Variants in MEIS2 observed in about 807,000 individuals in gnomAD.
MEIS2 encodes the protein Meis homeobox 2, also known as homeobox protein Meis2.
A neutral mutation model predicts 58.6 loss-of-function variants in MEIS2; 9 were observed. The ratio of observed to expected loss-of-function variants is 0.15; its 90% CI spans 0.09 to 0.27. The LOEUF (loss-of-function observed/expected upper bound fraction) is 0.27. MEIS2 is among the 10% of genes least tolerant of loss of function. The probability of loss-of-function intolerance (pLI) is 1.00; values close to 1 mark genes in which losing one functional copy is unlikely to be tolerated. For synonymous variants in MEIS2, 221 were observed against 228.4 expected (o/e 0.97, Z 0.29); for missense variants, 427 against 635.0 (o/e 0.67, Z 3.52).
intron 8 of MEIS2, among the ~76,000 whole-genome samples, chr15:36,984,629 C>T (rs1302630083): frequency 6.6e-6 from 1 of 152,156 alleles, no homozygotes; most frequent in Non-Finnish European, 1.5e-5. Context: ...GTGTTCCCTT[C>T]TCTTCCATTT....
intron 7 of MEIS2, among the ~76,000 whole-genome samples, chr15:37,081,287 C>T (rs957805761): frequency 2.6e-5 from 4 of 152,096 alleles, no homozygotes; most frequent in Non-Finnish European, 1.5e-5. Flanking sequence ...AACTTGATTT[C>T]CAATGAAACA....
At chr15:36,924,876 G>A (rs1745163283) in intron 9 of MEIS2, among the ~76,000 whole-genome samples, 1 of 152,158 alleles carries the variant, frequency 6.6e-6, no homozygotes, top group Non-Finnish European at 1.5e-5. Flanking sequence ...ATACAGTTAT[G>A]GATTGATCAT....
intron 8 of MEIS2, among the ~76,000 whole-genome samples, chr15:37,017,807 CCT>C (rs2061400020): frequency 6.6e-6 from 1 of 152,136 alleles, no homozygotes; most frequent in Non-Finnish European, 1.5e-5. Context: ...ATCTCACACC[CCT>C]CTTTTGTGTT....
chr15:37,088,559 C>G (rs902201526), intron 6 of MEIS2, among the ~76,000 whole-genome samples: 3 of 152,146 alleles, frequency 2.0e-5, no homozygotes, highest in African/African-American at 7.2e-5. Context: ...GTTGGAATTT[C>G]AACTCCGGTG....
chr15:36,973,019 T>C (rs1370776836), intron 8 of MEIS2: 1 of 152,208 alleles, frequency 6.6e-6, no homozygotes, highest in Non-Finnish European at 1.5e-5. Flanking sequence ...TACTTGTCGA[T>C]ATACACCAAC....
intron 8 of MEIS2, among the ~76,000 whole-genome samples, chr15:36,984,719 T>C (rs561342913): frequency 1.3e-4 from 20 of 152,316 alleles, no homozygotes; most frequent in African/African-American, 4.1e-4. Context: ...CCTTAGGTCC[T>C]AGACTTTTCT....
At chr15:36,995,292 T>C (rs186351363) in intron 8 of MEIS2, among the ~76,000 whole-genome samples, 97 of 152,332 alleles carry the variant, frequency 6.4e-4, no homozygotes, top group African/African-American at 2.1e-3. Flanking sequence ...TTCCCACCCA[T>C]AGACACTTAA....
At chr15:36,954,593 C>A (rs1350114585) in intron 8 of MEIS2, among the ~76,000 whole-genome samples, 1 of 151,772 alleles carries the variant, frequency 6.6e-6, no homozygotes, top group East Asian at 1.9e-4. Flanking sequence ...GTAACTCTTT[C>A]ATGGACATTT....
intron 8 of MEIS2, among the ~76,000 whole-genome samples, chr15:36,956,537 G>A (rs912167303): frequency 1.3e-5 from 2 of 152,168 alleles, no homozygotes; most frequent in African/African-American, 2.4e-5. Flanking sequence ...TGGAACCCAA[G>A]TTAGGTTAAT....
intron 7 of MEIS2, among the ~76,000 whole-genome samples, chr15:37,049,644 G>A (rs1368966053): frequency 6.6e-6 from 1 of 151,808 alleles, no homozygotes; most frequent in Non-Finnish European, 1.5e-5. Flanking sequence ...GCGCCACCAT[G>A]CCTGGCTAAT....
In MEIS2 at chr15:36,983,967, T is replaced by C. The variant is rs140868234; in HGVS notation, c.901-33567A>G. Among the ~76,000 whole-genome samples the C allele has an allele frequency of 2.5e-3, 385 of 152,220 alleles. 2 individuals carry two copies. The highest frequency in any genetic ancestry group is 8.9e-3 in the African/African-American group (369 of 41,552). ...TGTTAATATATAGAAACACAACTGA[T>C]TTTTGTATGTTGATTTTGCATTCTG... On this transcript the variant is annotated intron_variant, in intron 8 of 11. Coordinates refer to ENST00000561208, the MANE Select transcript of MEIS2 (RefSeq NM_170675.5).
intron 7 of MEIS2, among the ~76,000 whole-genome samples, chr15:37,052,924 G>A (rs1456212946): frequency 6.6e-6 from 1 of 152,140 alleles, no homozygotes; most frequent in African/African-American, 2.4e-5. Flanking sequence ...AGAAAGGTGA[G>A]GAGCTGAAAG....
At chr15:36,925,012 C>A (rs1345834369) in intron 9 of MEIS2, among the ~76,000 whole-genome samples, 2 of 152,146 alleles carry the variant, frequency 1.3e-5, no homozygotes, top group African/African-American at 4.8e-5. Context: ...GCAAGACCGC[C>A]CGGGCAGCAC....
intron 8 of MEIS2, among the ~76,000 whole-genome samples, chr15:36,994,060 A>ATG (rs1334899334): frequency 1.3e-5 from 2 of 152,048 alleles, no homozygotes; most frequent in African/African-American, 4.8e-5. Context: ...TCTATTCATG[A>ATG]TGTGTGTGTG....
chr15:37,093,845 G>T (rs1204059758), intron 5 of MEIS2, 115 bp from the exon 6 acceptor site: 5 of 1,333,304 alleles, frequency 3.8e-6, no homozygotes, highest in Non-Finnish European at 4.2e-6. Flanking sequence ...AAGAGCAACA[G>T]TGTGATGTCT....
chr15:37,050,196 T>TAC (rs749310121), intron 7 of MEIS2, among the ~76,000 whole-genome samples: 14 of 151,914 alleles, frequency 9.2e-5, no homozygotes, highest in South Asian at 2.1e-4. Flanking sequence ...CACAAACAGA[T>TAC]ACACACACAC....
chr15:37,041,395 C>T (rs1232756335), intron 7 of MEIS2, among the ~76,000 whole-genome samples: 1 of 152,146 alleles, frequency 6.6e-6, no homozygotes, highest in Admixed American at 6.6e-5. Context: ...TGAATCTAAT[C>T]CCTGGGTCCT....
intron 1 of MEIS2, 135 bp from the exon 2 acceptor site, chr15:37,098,334 G>A: frequency 2.6e-6 from 3 of 1,174,844 alleles, no homozygotes; most frequent in Middle Eastern, 7.2e-4. Context: ...AGAGAGGGAG[G>A]GAGGTAAGAG....
At chr15:36,969,759 C>T (rs2059471594) in intron 8 of MEIS2, among the ~76,000 whole-genome samples, 1 of 152,186 alleles carries the variant, frequency 6.6e-6, no homozygotes, top group Non-Finnish European at 1.5e-5. Flanking sequence ...TTTGCATTCT[C>T]AGTCAAGAAG....
Sources: gnomAD v4.1 joint callset for allele counts (sites outside exome capture counted in the v4.1 genomes callset) on GRCh38, gnomAD v4.1.1 for gene constraint, MANE v1.5 for transcripts, NCBI Gene and HGNC (gene_info 2026-07-23, HGNC 2026-07-21) for gene names.